The following PDE1A variants were observed in gnomAD, a reference collection of about 807,000 sequenced individuals.
PDE1A encodes the protein dual specificity calcium/calmodulin-dependent 3',5'-cyclic nucleotide phosphodiesterase 1A.
Under a neutral mutation model 61.7 loss-of-function variants are expected in PDE1A, and 35 were observed. The ratio of observed to expected loss-of-function variants is 0.57; its 90% CI spans 0.43 to 0.75. The LOEUF (loss-of-function observed/expected upper bound fraction) is 0.75, where lower values mean the gene tolerates loss of function less well. Among genes scored for constraint, PDE1A ranks in the 30% least tolerant of loss-of-function variants. The pLI, the probability that PDE1A is intolerant of heterozygous loss-of-function variation, is 0.00. For missense variants in PDE1A, 597 were observed against 630.6 expected, an observed-to-expected ratio of 0.95 and a Z score of 0.57; for synonymous variants, 232 against 213.2, an observed-to-expected ratio of 1.09 and a Z score of -0.77.
chr2:182,700,374 G>A, the PDE1A span, among the ~76,000 whole-genome samples: 1 of 149,934 alleles, frequency 6.7e-6, no homozygotes, highest in Admixed American at 6.6e-5. Context: ...GAGTGAGTTC[G>A]AGACTAGCCT....
chr2:182,505,666 G>T (rs1261556326), intron 2 of PDE1A, among the ~76,000 whole-genome samples: 2 of 152,124 alleles, frequency 1.3e-5, no homozygotes, highest in Non-Finnish European at 2.9e-5. Context: ...TTCTTCACAC[G>T]CCAGTTTGAG....
the PDE1A span, among the ~76,000 whole-genome samples, chr2:182,663,415 A>G: frequency 1.3e-5 from 2 of 152,236 alleles, no homozygotes; most frequent in South Asian, 4.1e-4. Context: ...AAAGACATGG[A>G]AACAACCTTA....
At chr2:182,196,930 G>C (rs1449702881) in intron 10 of PDE1A, among the ~76,000 whole-genome samples, 1 of 151,408 alleles carries the variant, frequency 6.6e-6, no homozygotes, top group Non-Finnish European at 1.5e-5. Flanking sequence ...ATTTATCTAG[G>C]GGTAAAAGTG....
chr2:182,482,949 G>A (rs1296083560), intron 2 of PDE1A, among the ~76,000 whole-genome samples: 1 of 151,876 alleles, frequency 6.6e-6, no homozygotes, highest in Non-Finnish European at 1.5e-5. Flanking sequence ...GTCTATAAGA[G>A]ATACACTTTA....
chr2:182,423,272 T>C (rs1191419980), intron 1 of PDE1A, among the ~76,000 whole-genome samples: 1 of 152,174 alleles, frequency 6.6e-6, no homozygotes. Context: ...CGAAAATATA[T>C]ACCTAAAATT....
intron 1 of PDE1A, among the ~76,000 whole-genome samples, chr2:182,266,610 A>T (rs180776685): frequency 6.6e-6 from 1 of 152,300 alleles, no homozygotes; most frequent in African/African-American, 2.4e-5. Context: ...CCCACTAAAA[A>T]CACTACATTT....
At chr2:182,549,314 A>AT in the PDE1A span, among the ~76,000 whole-genome samples, 1 of 152,144 alleles carries the variant, frequency 6.6e-6, no homozygotes, top group Non-Finnish European at 1.5e-5. Flanking sequence ...ATTAATTTAG[A>AT]TTTTGTCTCT....
At chr2:182,324,006 C>G (rs542490451) in intron 1 of PDE1A, among the ~76,000 whole-genome samples, 1 of 152,112 alleles carries the variant, frequency 6.6e-6, no homozygotes, top group East Asian at 1.9e-4. Context: ...GTAGGGAAGA[C>G]ATTTCTGCTT....
At chr2:182,345,095 T>G (rs530670658) in intron 1 of PDE1A, among the ~76,000 whole-genome samples, 1 of 152,330 alleles carries the variant, frequency 6.6e-6, no homozygotes, top group Admixed American at 6.5e-5. Flanking sequence ...TAGGCTTTAT[T>G]TGGTTATTTA....
chr2:182,179,546 A>G (rs1185211096), intron 13 of PDE1A, among the ~76,000 whole-genome samples: 3 of 152,214 alleles, frequency 2.0e-5, no homozygotes, highest in Non-Finnish European at 4.4e-5. Flanking sequence ...AGAAGGAAAT[A>G]AATGATTAGA....
At chr2:182,324,282 A>T (rs1416683430) in intron 1 of PDE1A, among the ~76,000 whole-genome samples, 1 of 152,030 alleles carries the variant, frequency 6.6e-6, no homozygotes, top group Non-Finnish European at 1.5e-5. Flanking sequence ...TAATTCCCTC[A>T]CAAGAATCTT....
the PDE1A span, among the ~76,000 whole-genome samples, chr2:182,608,479 C>T: frequency 2.0e-5 from 3 of 152,318 alleles, no homozygotes; most frequent in South Asian, 6.2e-4. Flanking sequence ...CAGGTGGGAA[C>T]CTGGGCTGCG....
At chr2:182,362,284 A>G (rs1429236610) in intron 1 of PDE1A, among the ~76,000 whole-genome samples, 1 of 152,024 alleles carries the variant, frequency 6.6e-6, no homozygotes, top group Non-Finnish European at 1.5e-5. Context: ...TTGGATAAAC[A>G]TTTGTAATCT....
At chr2:182,493,849 A>C (rs1170891625) in intron 2 of PDE1A, among the ~76,000 whole-genome samples, 1 of 152,192 alleles carries the variant, frequency 6.6e-6, no homozygotes, top group Non-Finnish European at 1.5e-5. Flanking sequence ...ACCACATGTT[A>C]GGCTGGTCTT....
At chr2:182,268,527 C>T (rs1359090458) in intron 1 of PDE1A, among the ~76,000 whole-genome samples, 2 of 151,974 alleles carry the variant, frequency 1.3e-5, no homozygotes, top group African/African-American at 4.8e-5. Context: ...AAGGTATTTG[C>T]AATCTCTGAG....
intron 1 of PDE1A, among the ~76,000 whole-genome samples, chr2:182,390,247 TG>T (rs201835683): frequency 0.015 from 2,332 of 152,300 alleles, 58 homozygotes; most frequent in African/African-American, 0.053. Context: ...TAGTTGGTTT[TG>T]GGGTTTCTGG....
At chr2:182,584,424 C>T in the PDE1A span, among the ~76,000 whole-genome samples, 2 of 152,104 alleles carry the variant, frequency 1.3e-5, no homozygotes, top group Non-Finnish European at 2.9e-5. Context: ...CTAGCTCTAC[C>T]GCTGACTATC....
chr2:182,588,025 T>G, the PDE1A span, among the ~76,000 whole-genome samples: 3 of 152,194 alleles, frequency 2.0e-5, no homozygotes, highest in Admixed American at 6.5e-5. Context: ...TTTAACAGAA[T>G]GTGGTTTTGA....
At chr2:182,222,362 A>T (rs1688799667) in intron 7 of PDE1A, among the ~76,000 whole-genome samples, 1 of 151,986 alleles carries the variant, frequency 6.6e-6, no homozygotes, top group Non-Finnish European at 1.5e-5. Flanking sequence ...GACATTAAAG[A>T]GACCAGTGGT....
Sources: gnomAD v4.1 joint callset for allele counts (sites outside exome capture counted in the v4.1 genomes callset) on GRCh38, gnomAD v4.1.1 for gene constraint, MANE v1.5 for transcripts, NCBI Gene and HGNC (gene_info 2026-07-23, HGNC 2026-07-21) for gene names.